Variants in ST7 observed in about 807,000 individuals in gnomAD.
ST7 encodes suppressor of tumorigenicity 7 protein.
Under a neutral mutation model 78.7 loss-of-function variants are expected in ST7, and 28 were observed. The ratio of observed to expected loss-of-function variants is 0.36; its 90% CI spans 0.26 to 0.49. The LOEUF (loss-of-function observed/expected upper bound fraction) is 0.49. ST7 is among the 20% of genes least tolerant of loss of function. The pLI, the probability that ST7 is intolerant of heterozygous loss-of-function variation, is 0.99. For missense variants in ST7, 418 were observed against 696.0 expected, an observed-to-expected ratio of 0.60 and a Z score of 4.49; for synonymous variants, 247 against 249.6, an observed-to-expected ratio of 0.99 and a Z score of 0.10.
At chr7:117,215,139 C>T (rs1191623739) in intron 13 of ST7, among the ~76,000 whole-genome samples, 1 of 152,020 alleles carries the variant, frequency 6.6e-6, no homozygotes, top group Non-Finnish European at 1.5e-5. Flanking sequence ...TCATTTAATC[C>T]AACTAAGGGA....
intron 1 of ST7, among the ~76,000 whole-genome samples, chr7:117,079,968 CTTTTTTTTTTTTTTT>C (rs34326752): frequency 2.3e-4 from 15 of 65,442 alleles, no homozygotes; most frequent in African/African-American, 7.7e-4. Context: ...TTTGTCATTC[CTTTTTTTTTTTTTTT>C]TTTTTTTTTT....
intron 1 of ST7, among the ~76,000 whole-genome samples, chr7:117,040,792 A>C (rs1020267854): frequency 6.6e-6 from 1 of 152,248 alleles, no homozygotes; most frequent in African/African-American, 2.4e-5. Flanking sequence ...CATTTAAAAT[A>C]ATCTATGCAA....
At chr7:116,958,679 CAATAA>C in intron 1 of ST7, 1 of 471,082 alleles carries the variant, frequency 2.1e-6, no homozygotes, top group East Asian at 6.9e-5. Flanking sequence ...CCGGCCACTG[CAATAA>C]AGTGAGTCCC....
chr7:116,987,357 A>G (rs575344743), intron 1 of ST7, among the ~76,000 whole-genome samples: 5 of 152,292 alleles, frequency 3.3e-5, no homozygotes, highest in Non-Finnish European at 5.9e-5. Flanking sequence ...TGCACATCCT[A>G]TTATGCAACG....
At chr7:117,009,148 G>A (rs1326733572) in intron 1 of ST7, among the ~76,000 whole-genome samples, 7 of 151,628 alleles carry the variant, frequency 4.6e-5, no homozygotes, top group Admixed American at 4.6e-4. Flanking sequence ...CATTGAGAAT[G>A]ATTTGTTTTG....
chr7:117,131,644 T>G (rs1370477365), intron 5 of ST7, among the ~76,000 whole-genome samples: 2 of 151,934 alleles, frequency 1.3e-5, no homozygotes, highest in African/African-American at 4.8e-5. Flanking sequence ...GAGTGCCTTT[T>G]CTTGATTTCC....
chr7:117,096,518 G>C (rs1009613322), intron 1 of ST7, among the ~76,000 whole-genome samples: 8 of 152,134 alleles, frequency 5.3e-5, no homozygotes, highest in African/African-American at 1.9e-4. Context: ...TTTTGCTGAA[G>C]GCTTTTCAGT....
At chr7:117,052,883 G>A (rs1797859674) in intron 1 of ST7, among the ~76,000 whole-genome samples, 1 of 152,192 alleles carries the variant, frequency 6.6e-6, no homozygotes, top group Non-Finnish European at 1.5e-5. Context: ...GACACAGCAA[G>A]ATTACATCTC....
At position 117,128,612 on chromosome 7, in the gene ST7, T is replaced by C. The variant is rs143952908; in HGVS notation, c.395-1181T>C. Among the ~76,000 whole-genome samples, 19 of 152,022 alleles carry C rather than the reference T, an allele frequency of 1.2e-4. No homozygotes were observed. The South Asian group carries it at 2.5e-3, about 20-fold the overall frequency. ...AATGAAAACACGTATTCCTGTTATG[T>C]GTATATCCTTTACTATTTTAACAAA... On this transcript the variant is annotated intron_variant, in intron 3 of 15. Transcript: ENST00000323984.
chr7:117,216,081 T>A (rs970754837), intron 13 of ST7, among the ~76,000 whole-genome samples: 6 of 152,020 alleles, frequency 3.9e-5, no homozygotes, highest in African/African-American at 1.5e-4. Context: ...CTGTTTATTT[T>A]TCCCCCCAGT....
chr7:117,187,083 G>A (rs558182963), intron 10 of ST7, among the ~76,000 whole-genome samples: 14 of 152,264 alleles, frequency 9.2e-5, no homozygotes, highest in African/African-American at 2.4e-4. Context: ...TTTAGGATCC[G>A]TTTCTTTAGA....
In ST7 at chr7:117,150,594, C is replaced by T. The variant is rs143748982; in HGVS notation, c.963+12062C>T. Among the ~76,000 whole-genome samples the T allele has an allele frequency of 3.9e-5, 6 of 152,304 alleles. No individual in the cohort carries two copies. The East Asian group carries it at 9.7e-4, about 25-fold the overall frequency. On this transcript the variant is annotated intron_variant, in intron 9 of 15. Coordinates refer to ENST00000323984, the MANE Select transcript of ST7 (RefSeq NM_001369598.1). ...TTTCCCTGGCTCTTCCTGCCTGCAG[C>T]TTCTCAGTGCTGGAGGGCTGCAGCC... is the stretch of plus-strand genomic sequence containing the variant.
intron 1 of ST7, among the ~76,000 whole-genome samples, chr7:116,974,374 G>A (rs1044523388): frequency 2.0e-5 from 3 of 150,852 alleles, no homozygotes; most frequent in Non-Finnish European, 4.4e-5. Context: ...TGCAAGCTCC[G>A]CCTCCTGGGT....
rs573298805 is a variant in ST7, at chr7:117,146,749, G to A, written c.963+8217G>A. Among the ~76,000 whole-genome samples the A allele has an allele frequency of 4.6e-5, 7 of 152,332 alleles. No homozygotes were observed. The East Asian group carries it at 7.7e-4, about 17-fold the overall frequency. ...CTGATTCTAAATATTTGCCTTGAAA[G>A]GGAAGGAGTTTGTGTCAGCTAAGAT... On this transcript the variant is annotated intron_variant, in intron 9 of 15. Transcript: ENST00000323984.
At chr7:117,111,863 G>GT (rs141554531) in intron 2 of ST7, among the ~76,000 whole-genome samples, 11,614 of 151,682 alleles carry the variant, frequency 0.077, 519 homozygotes, top group Middle Eastern at 0.15. Context: ...TTTGAGAGTG[G>GT]TAAGGTGGAT....
At chr7:117,141,882 C>A (rs1335263170) in intron 9 of ST7, among the ~76,000 whole-genome samples, 2 of 151,966 alleles carry the variant, frequency 1.3e-5, no homozygotes, top group African/African-American at 2.4e-5. Context: ...GTTGCCCAGG[C>A]TCATCTTGAC....
intron 9 of ST7, among the ~76,000 whole-genome samples, chr7:117,164,571 G>A (rs1309292548): frequency 6.6e-6 from 1 of 152,112 alleles, no homozygotes; most frequent in African/African-American, 2.4e-5. Flanking sequence ...GGTAGTTAAT[G>A]GCAGAGGTTG....
intron 15 of ST7, chr7:117,222,881 G>A (rs373190487): frequency 1.1e-4 from 173 of 1,613,896 alleles, no homozygotes; most frequent in Non-Finnish European, 1.3e-4. Context: ...TTTTCTGCTC[G>A]GCAGAGTTCA....
chr7:117,168,203 G>A (rs1425516479), intron 9 of ST7, among the ~76,000 whole-genome samples: 1 of 152,170 alleles, frequency 6.6e-6, no homozygotes, highest in Non-Finnish European at 1.5e-5. Context: ...TCAAATGAAA[G>A]CACTGCTCTT....
Sources: gnomAD v4.1 joint callset for allele counts (sites outside exome capture counted in the v4.1 genomes callset) on GRCh38, gnomAD v4.1.1 for gene constraint, MANE v1.5 for transcripts, NCBI Gene and HGNC (gene_info 2026-07-23, HGNC 2026-07-21) for gene names.